Variants in ERC2 observed in about 807,000 individuals in gnomAD.
The protein encoded by ERC2 is ERC protein 2.
Under a neutral mutation model 114.8 loss-of-function variants are expected in ERC2, and 42 were observed. The ratio of observed to expected loss-of-function variants is 0.37; its 90% CI spans 0.29 to 0.47. ERC2 has a LOEUF of 0.47. Among genes scored for constraint, ERC2 ranks in the 20% least tolerant of loss-of-function variants. The pLI is 0.99. For missense variants in ERC2, 939 were observed against 1,150.7 expected (o/e 0.82, Z 2.66); for synonymous variants, 454 against 425.5 (o/e 1.07, Z -0.82).
chr3:56,134,925 TTTTTGTTTTTGTTTTTG>T (rs1449709043), intron 6 of ERC2, among the ~76,000 whole-genome samples: 3 of 133,452 alleles, frequency 2.2e-5, no homozygotes, highest in Non-Finnish European at 3.3e-5. Context: ...TTTTTGTTTT[TTTTTGTTTTTGTTTTTG>T]TTTTTGTTTT....
intron 13 of ERC2, among the ~76,000 whole-genome samples, chr3:55,894,337 C>T (rs1332732240): frequency 6.6e-6 from 1 of 152,030 alleles, no homozygotes; most frequent in South Asian, 2.1e-4. Context: ...TAAGCATTAC[C>T]ATTGCTATGC....
intron 14 of ERC2, among the ~76,000 whole-genome samples, chr3:55,803,885 T>A (rs559695736): frequency 3.3e-5 from 5 of 152,256 alleles, no homozygotes; most frequent in Non-Finnish European, 7.3e-5. Flanking sequence ...GACACTTCAG[T>A]CCCCACTTTC....
intron 1 of ERC2, among the ~76,000 whole-genome samples, chr3:56,446,433 A>G (rs1267733522): frequency 6.6e-6 from 1 of 152,084 alleles, no homozygotes; most frequent in Non-Finnish European, 1.5e-5. Context: ...AACTGTGCAC[A>G]GGGTTGTAAC....
At chr3:56,069,093 T>C (rs2076610732) in intron 7 of ERC2, among the ~76,000 whole-genome samples, 1 of 152,218 alleles carries the variant, frequency 6.6e-6, no homozygotes, top group Non-Finnish European at 1.5e-5. Context: ...TGCATATCCT[T>C]GTTAATTTTC....
At chr3:55,785,571 A>G (rs1208529806) in intron 14 of ERC2, among the ~76,000 whole-genome samples, 2 of 152,166 alleles carry the variant, frequency 1.3e-5, no homozygotes, top group Non-Finnish European at 2.9e-5. Context: ...CACACTGAGG[A>G]CCTCACATGG....
chr3:56,351,899 A>G (rs2058567344), intron 2 of ERC2, among the ~76,000 whole-genome samples: 1 of 152,224 alleles, frequency 6.6e-6, no homozygotes, highest in Non-Finnish European at 1.5e-5. Flanking sequence ...GACACGTAAT[A>G]AGTCAATGAA....
At chr3:55,841,599 C>G (rs923978614) in intron 14 of ERC2, among the ~76,000 whole-genome samples, 4 of 152,132 alleles carry the variant, frequency 2.6e-5, no homozygotes, top group Admixed American at 1.3e-4. Context: ...TTGCTATGTT[C>G]TAGGTGCCAT....
chr3:56,458,353 G>A (rs1410280951), intron 1 of ERC2, among the ~76,000 whole-genome samples: 3 of 152,078 alleles, frequency 2.0e-5, no homozygotes, highest in Non-Finnish European at 4.4e-5. Flanking sequence ...GGGAACTTAG[G>A]GCTTGTGACC....
chr3:56,398,088 C>T (rs967588773), intron 2 of ERC2, among the ~76,000 whole-genome samples: 14 of 152,122 alleles, frequency 9.2e-5, no homozygotes, highest in Middle Eastern at 3.2e-3. Flanking sequence ...ATGTGCCCAC[C>T]ATAAATTGAG....
chr3:55,832,638 T>C (rs1018442714), intron 14 of ERC2, among the ~76,000 whole-genome samples: 1 of 151,958 alleles, frequency 6.6e-6, no homozygotes, highest in Admixed American at 6.6e-5. Context: ...CAAAAATAGA[T>C]AAAACCACAA....
At chr3:56,246,655 T>C (rs1487191230) in intron 3 of ERC2, among the ~76,000 whole-genome samples, 1 of 152,116 alleles carries the variant, frequency 6.6e-6, no homozygotes, top group Non-Finnish European at 1.5e-5. Context: ...GAATGATGTC[T>C]TGAACCCGAT....
At chr3:55,633,579 G>T (rs116067577) in intron 17 of ERC2, among the ~76,000 whole-genome samples, 100 of 152,216 alleles carry the variant, frequency 6.6e-4, no homozygotes, top group African/African-American at 2.2e-3. Flanking sequence ...TATTTAACAG[G>T]TATTGAGAAA....
At chr3:55,668,169 T>C (rs1052474259) in intron 17 of ERC2, among the ~76,000 whole-genome samples, 1 of 152,162 alleles carries the variant, frequency 6.6e-6, no homozygotes, top group African/African-American at 2.4e-5. Flanking sequence ...AACCATGAGT[T>C]AGCTGGCTCA....
intron 14 of ERC2, among the ~76,000 whole-genome samples, chr3:55,855,608 C>A (rs1242608876): frequency 6.6e-6 from 1 of 152,130 alleles, no homozygotes; most frequent in Non-Finnish European, 1.5e-5. Flanking sequence ...AAAAATTGAA[C>A]AATTTCCTCT....
intron 17 of ERC2, chr3:55,610,935 C>T (rs1450136787): frequency 2.0e-5 from 3 of 152,156 alleles, no homozygotes; most frequent in Non-Finnish European, 4.4e-5. Flanking sequence ...GAAAATGGAA[C>T]TTTAAGGTTA....
chr3:55,969,392 T>TAA (rs1156752893), intron 12 of ERC2, among the ~76,000 whole-genome samples: 53 of 140,688 alleles, frequency 3.8e-4, no homozygotes, highest in African/African-American at 1.2e-3. Context: ...TTTATACACA[T>TAA]ACACACACAC....
At chr3:55,950,782 G>T (rs1236471132) in intron 12 of ERC2, among the ~76,000 whole-genome samples, 1 of 152,208 alleles carries the variant, frequency 6.6e-6, no homozygotes, top group South Asian at 2.1e-4. Flanking sequence ...AATGGGGCAG[G>T]TATAATCTTC....
chr3:56,143,411 C>A (rs2080971858), intron 5 of ERC2, among the ~76,000 whole-genome samples: 1 of 152,094 alleles, frequency 6.6e-6, no homozygotes, highest in Non-Finnish European at 1.5e-5. Context: ...GGGAGGGACC[C>A]AGCAGGAGGT....
intron 4 of ERC2, among the ~76,000 whole-genome samples, chr3:56,171,226 T>C (rs1289425827): frequency 6.6e-6 from 1 of 152,178 alleles, no homozygotes; most frequent in African/African-American, 2.4e-5. Context: ...GCTTCCAATA[T>C]TCCCACCAAT....
Sources: gnomAD v4.1 joint callset for allele counts (sites outside exome capture counted in the v4.1 genomes callset) on GRCh38, gnomAD v4.1.1 for gene constraint, MANE v1.5 for transcripts, NCBI Gene and HGNC (gene_info 2026-07-23, HGNC 2026-07-21) for gene names.